Variants in NMS observed in about 807,000 individuals in gnomAD.
NMS encodes the protein neuromedin-S.
Under a neutral mutation model 32.2 loss-of-function variants are expected in NMS, and 30 were observed. The ratio of observed to expected loss-of-function variants is 0.93; its 90% confidence interval spans 0.70 to 1.26. NMS has a LOEUF of 1.26. NMS is among the 50% of genes most tolerant of loss of function. The pLI, the probability that NMS is intolerant of heterozygous loss-of-function variation, is 0.00. For synonymous variants in NMS, 76 were observed against 58.5 expected (o/e 1.30, Z -1.37); for missense variants, 190 against 186.3 (o/e 1.02, Z -0.12).
At chr2:100,481,288 ACT>A in intron 8 of NMS, 121 bp downstream of exon 8, 1 of 918,238 alleles carries the variant, frequency 1.1e-6, no homozygotes, top group Non-Finnish European at 1.8e-6. Flanking sequence ...AATTGTGGAG[ACT>A]CTCTCATCCT....
At chr2:100,476,579 T>G (rs563118986) in intron 3 of NMS, among the ~76,000 whole-genome samples, 2 of 152,332 alleles carry the variant, frequency 1.3e-5, no homozygotes, top group African/African-American at 4.8e-5. Flanking sequence ...ATGTGAATGA[T>G]CAGTACGAAC....
intron 1 of NMS, among the ~76,000 whole-genome samples, chr2:100,471,654 T>C (rs1320765185): frequency 6.6e-6 from 1 of 152,214 alleles, no homozygotes; most frequent in Non-Finnish European, 1.5e-5. Flanking sequence ...TCCCTGAGGG[T>C]AAGTCTTTAC....
rs113962187 is a variant in NMS, at chr2:100,477,137, G to A, written c.184-107G>A. On this transcript the variant is annotated intron_variant, in intron 3 of 9. Coordinates refer to ENST00000376865, the MANE Select transcript of NMS (RefSeq NM_001011717.1). ...TTTAGATTGCCAATTTATCATAATA[G>A]TCAGGTAAATCCACTAAGGTCCATG... 8.2e-3 allele frequency: 7,014 copies of A among 852,890 alleles called. 39 individuals are homozygous for A. The highest frequency in any genetic ancestry group is 1.0e-2 in the Non-Finnish European group (5,116 of 513,004). 52.8% of individuals were successfully genotyped at this position (852,890 alleles called of 1,614,324 possible).
chr2:100,473,298 G>T (rs1677040646), intron 2 of NMS, among the ~76,000 whole-genome samples, 191 bp from the exon 3 acceptor site: 1 of 152,006 alleles, frequency 6.6e-6, no homozygotes, highest in Non-Finnish European at 1.5e-5. Context: ...TATGCTGGGA[G>T]CATTTGAATT....
intron 1 of NMS, among the ~76,000 whole-genome samples, chr2:100,471,120 G>T (rs1017174944): frequency 3.9e-5 from 6 of 152,160 alleles, no homozygotes; most frequent in Admixed American, 1.3e-4. Flanking sequence ...GACCGGGTGC[G>T]GGCATCGCCT....
intron 8 of NMS, 50 bp downstream of exon 8, chr2:100,481,217 C>T (rs1677210434): frequency 3.9e-6 from 6 of 1,555,838 alleles, no homozygotes; most frequent in Non-Finnish European, 5.3e-6. Context: ...TCACTGCAGC[C>T]ATCCCAATCA....
chr2:100,480,246 C>T (rs1180132218), intron 6 of NMS, among the ~76,000 whole-genome samples: 1 of 152,236 alleles, frequency 6.6e-6, no homozygotes, highest in Non-Finnish European at 1.5e-5. Flanking sequence ...TTAGGAGGAG[C>T]AAGCAAACTT....
chr2:100,477,592 G>A (rs922052491), intron 5 of NMS, among the ~76,000 whole-genome samples, 178 bp downstream of exon 5: 5 of 152,080 alleles, frequency 3.3e-5, no homozygotes, highest in African/African-American at 1.2e-4. Flanking sequence ...CCTCTGGGCT[G>A]GGGGTGGTAG....
intron 1 of NMS, among the ~76,000 whole-genome samples, chr2:100,471,736 T>C (rs1422328124): frequency 6.6e-6 from 1 of 152,220 alleles, no homozygotes; most frequent in African/African-American, 2.4e-5. Context: ...TATTGAATGA[T>C]TCCAATCACC....
At chr2:100,480,424 G>A (rs2104338786) in intron 6 of NMS, 72 bp from the exon 7 acceptor site, 7 of 1,482,832 alleles carry the variant, frequency 4.7e-6, no homozygotes, top group Non-Finnish European at 6.6e-6. Flanking sequence ...GGGAGGGCAG[G>A]ATCACTGCAA....
intron 8 of NMS, among the ~76,000 whole-genome samples, chr2:100,481,657 A>C (rs1025640057): frequency 4.6e-5 from 7 of 152,354 alleles, no homozygotes; most frequent in African/African-American, 1.7e-4. Flanking sequence ...TGAGCAAATC[A>C]GACTAGATCC....
At chr2:100,482,985 C>T (rs1237377145) in intron 9 of NMS, among the ~76,000 whole-genome samples, 1 of 152,208 alleles carries the variant, frequency 6.6e-6, no homozygotes, top group Non-Finnish European at 1.5e-5. Context: ...AAAGCTGTTC[C>T]ACTGCTGGGA....
At chr2:100,477,172 A>G in intron 3 of NMS, 72 bp from the exon 4 acceptor site, 1 of 1,294,818 alleles carries the variant, frequency 7.7e-7, no homozygotes, top group Non-Finnish European at 1.1e-6. Context: ...GGTGTACCTT[A>G]TACAGAAAAC....
At chr2:100,482,168 TA>T in intron 8 of NMS, 108 bp from the exon 9 acceptor site, 1 of 1,076,788 alleles carries the variant, frequency 9.3e-7, no homozygotes, top group Admixed American at 1.7e-5. Flanking sequence ...AGTGAAGTCC[TA>T]GTTAGAAGAA....
chr2:100,480,280 ACT>A (rs1677191495), intron 6 of NMS, among the ~76,000 whole-genome samples: 1 of 152,228 alleles, frequency 6.6e-6, no homozygotes, highest in African/African-American at 2.4e-5. Context: ...ACAGATGGTA[ACT>A]CAGTCAAGAC....
chr2:100,472,600 C>T (rs1677023742), intron 1 of NMS, among the ~76,000 whole-genome samples, 195 bp from the exon 2 acceptor site: 1 of 152,266 alleles, frequency 6.6e-6, no homozygotes, highest in South Asian at 2.1e-4. Context: ...TTGCTAGTGG[C>T]AAGTAGAAGT....
intron 3 of NMS, among the ~76,000 whole-genome samples, chr2:100,476,957 A>C (rs1289501562): frequency 6.6e-6 from 1 of 152,328 alleles, no homozygotes; most frequent in African/African-American, 2.4e-5. Flanking sequence ...ATTTGCTTCT[A>C]TGCATCAGAG....
intron 3 of NMS, among the ~76,000 whole-genome samples, chr2:100,474,751 C>G (rs930386143): frequency 5.9e-5 from 9 of 152,254 alleles, no homozygotes; most frequent in Admixed American, 2.6e-4. Flanking sequence ...CTTCAAGACT[C>G]AAACATCAGT....
intron 1 of NMS, among the ~76,000 whole-genome samples, chr2:100,472,452 A>G (rs1353773841): frequency 2.0e-5 from 3 of 152,234 alleles, no homozygotes; most frequent in Non-Finnish European, 4.4e-5. Flanking sequence ...ATCCTCATGA[A>G]TTCTATCAAA....
Sources: allele counts gnomAD v4.1 joint callset (sites outside exome capture counted in the v4.1 genomes callset), GRCh38; gene constraint gnomAD v4.1.1; transcripts MANE v1.5; gene names NCBI Gene and HGNC (gene_info 2026-07-23, HGNC 2026-07-21).